NBPF11: variants seen among roughly 807,000 people sequenced by gnomAD.
The protein encoded by NBPF11 is NBPF member 11.
In NBPF11, 72 loss-of-function variants were observed where a neutral mutation model predicts 93.9. The ratio of observed to expected loss-of-function variants is 0.77; its 90% CI spans 0.63 to 0.93. The LOEUF (loss-of-function observed/expected upper bound fraction) is 0.93. NBPF11 is among the 40% of genes least tolerant of loss of function. NBPF11 has a pLI of 0.00. For missense variants in NBPF11, 705 were observed against 802.2 expected (o/e 0.88, Z 1.46); for synonymous variants, 224 against 304.9 (o/e 0.73, Z 2.76).
chr1:148,120,639 C>A lies in NBPF11; in HGVS notation c.850G>T (p.Ala284Ser), dbSNP rs1396362135. 5 of 1,545,050 alleles carry A rather than the reference C, an allele frequency of 3.2e-6. No homozygotes were observed. The highest frequency in any genetic ancestry group is 2.2e-4 in the Middle Eastern group (1 of 4,546). ...TTGATTTCTAGAATGTTCATCTCTG[C>A]CTTCTCGCTGGACAAAGGGCCGGCT... ...VSAGPLSSEK[A>S]EMNILEINEK... is the part of the protein sequence containing the mutation. The change falls in exon 10 of 24, where the codon GCA (alanine) becomes TCA (serine). Residue 284 changes from alanine (A) to serine (S), a missense_variant. By Grantham distance (99) the Ala-to-Ser change is moderately conservative. Around this residue, in one of 12 missense-constraint regions of NBPF11, gnomAD observed 262 missense variants for 223.1 expected, o/e 1.17. Coordinates refer to ENST00000682118, the MANE Select transcript of NBPF11 (RefSeq NM_001385469.3).
At chr1:148,137,138 C>T (rs1390338876) in intron 3 of NBPF11, among the ~76,000 whole-genome samples, 6 of 151,916 alleles carry the variant, frequency 3.9e-5, no homozygotes, top group Non-Finnish European at 1.5e-5. Context: ...AGTTATATGA[C>T]TTTAAGATGG....
At chr1:148,146,105 C>T (rs1260266134) in intron 1 of NBPF11, among the ~76,000 whole-genome samples, 1 of 151,738 alleles carries the variant, frequency 6.6e-6, no homozygotes, top group South Asian at 2.1e-4. Flanking sequence ...CACGGGCGGG[C>T]GGCCGGGAGC....
At chr1:148,107,512 C>A (rs1278759592) in intron 19 of NBPF11, among the ~76,000 whole-genome samples, 199 bp downstream of exon 19, 1 of 152,238 alleles carries the variant, frequency 6.6e-6, no homozygotes, top group Non-Finnish European at 1.5e-5. Flanking sequence ...TATGGTCAAC[C>A]TATAGTAAGT....
rs1349412083 is a variant in NBPF11 at position 148,105,528 on chromosome 1, C to A, written c.2304G>T (p.Arg768Ser). The part of the protein sequence containing the change: ...EEEDQGPPCP[R>S]LSRELLEVVE... ...CTACCTCCAGCAGCTCCCTGCTGAG[C>A]CTGGAAAAGGAGGAAAAAGTAAAGA... Residue 768 changes from arginine to serine, a missense_variant and splice_region_variant, in exon 22 of 24, where the codon AGG becomes AGT. Physicochemically the swap from Arg to Ser is moderately radical, Grantham distance 110. Coordinates refer to ENST00000682118, the MANE Select transcript of NBPF11 (RefSeq NM_001385469.3). The A allele has an allele frequency of 7.6e-5, 61 of 805,696 alleles. 9 individuals are homozygous for A. In the Admixed American group the frequency reaches 1.0e-3, roughly 14 times the overall value. 49.9% of individuals were successfully genotyped at this position (805,696 alleles called of 1,614,324 possible).
chr1:148,124,116 T>C (rs1668528065), intron 6 of NBPF11, 49 bp from the exon 7 acceptor site: 1 of 1,606,446 alleles, frequency 6.2e-7, no homozygotes, highest in East Asian at 2.2e-5. Context: ...CATTGAGTGA[T>C]CCGTTCAAAT....
intron 1 of NBPF11, chr1:148,146,272 G>A (rs1209647323): frequency 4.7e-6 from 6 of 1,275,758 alleles, no homozygotes; most frequent in Non-Finnish European, 5.0e-6. Context: ...TGGGGCGGTA[G>A]CTGGGGGGGC....
intron 2 of NBPF11, among the ~76,000 whole-genome samples, chr1:148,142,091 CAGAAGGGAAGGA>C (rs1571492708): frequency 8.1e-5 from 9 of 110,448 alleles, no homozygotes; most frequent in Middle Eastern, 4.7e-3. Flanking sequence ...GGAGGGAAGG[CAGAAGGGAAGGA>C]GGGAGGGAAA....
At chr1:148,108,184 G>C (rs1336497187) in intron 18 of NBPF11, among the ~76,000 whole-genome samples, 1 of 142,884 alleles carries the variant, frequency 7.0e-6, no homozygotes, top group African/African-American at 2.6e-5. Context: ...AAGATCTACA[G>C]AATTGAGACA....
intron 1 of NBPF11, chr1:148,149,215 G>A: frequency 1.3e-6 from 2 of 1,548,236 alleles, no homozygotes; most frequent in South Asian, 1.1e-5. Flanking sequence ...TCGGCACGGT[G>A]CCCACCATGG....
chr1:148,149,545 G>T lies in NBPF11; in HGVS notation c.-549+2205C>A, dbSNP rs1571503437. The T allele has an allele frequency of 3.8e-6, 6 of 1,594,046 alleles. No individual in the cohort carries two copies. In the East Asian group the frequency reaches 1.1e-4, roughly 30 times the overall value. ...GCCTGCGTCGCTTCATCTCCCAGGA[G>T]CTGCCCAGCCAGCGCGCCTAGCGGC... On this transcript the variant is annotated intron_variant, in intron 1 of 23. Transcript: ENST00000682118.
In NBPF11 at chr1:148,120,489, T is replaced by C. The variant is rs1163445268; in HGVS notation, c.988+12A>G. 2.2e-6 allele frequency: 2 copies of C among 905,024 alleles called. No individual in the cohort carries two copies. Among genetic ancestry groups the C allele is most frequent in the African/African-American group, 3.2e-5 (2 of 61,700 alleles). 56.1% of individuals were successfully genotyped at this position (905,024 alleles called of 1,614,324 possible). A position where few individuals can be genotyped will look rare whatever the true frequency, so the allele number is the denominator to read the frequency against. Reference sequence around the variant, plus strand: ...TTCATCACTTTCGTGATGGTGAGCATATAGATCTTACTGTATTTGTTCTGC... The same window carrying C: ...TTCATCACTTTCGTGATGGTGAGCACATAGATCTTACTGTATTTGTTCTGC... On this transcript the variant is annotated intron_variant, in intron 10 of 23. Coordinates refer to ENST00000682118, the MANE Select transcript of NBPF11 (RefSeq NM_001385469.3).
chr1:148,148,072 G>A (rs1673489063), intron 1 of NBPF11, among the ~76,000 whole-genome samples: 1 of 152,180 alleles, frequency 6.6e-6, no homozygotes, highest in African/African-American at 2.4e-5. Context: ...TGGCAGGGCT[G>A]GGCTGGCTCA....
intron 15 of NBPF11, among the ~76,000 whole-genome samples, chr1:148,111,367 C>T (rs1359127310): frequency 3.9e-5 from 6 of 151,980 alleles, no homozygotes; most frequent in African/African-American, 1.2e-4. Context: ...CGCAGCTCCT[C>T]GCCAGCAATG....
At chr1:148,136,386 T>C (rs1671288044) in intron 3 of NBPF11, among the ~76,000 whole-genome samples, 1 of 151,846 alleles carries the variant, frequency 6.6e-6, no homozygotes, top group East Asian at 1.9e-4. Context: ...CATTCAAATA[T>C]CTATCAATAC....
At chr1:148,115,564 A>C (rs1238172409) in intron 14 of NBPF11, among the ~76,000 whole-genome samples, 1 of 151,834 alleles carries the variant, frequency 6.6e-6, no homozygotes, top group African/African-American at 2.4e-5. Context: ...TCCTGCACTG[A>C]GGTGACTATG....
chr1:148,136,728 T>G (rs1234442191), intron 3 of NBPF11, among the ~76,000 whole-genome samples: 6 of 151,978 alleles, frequency 3.9e-5, no homozygotes, highest in East Asian at 3.9e-4. Context: ...TCACTGTAGT[T>G]GTTATTCTAT....
intron 23 of NBPF11, among the ~76,000 whole-genome samples, chr1:148,104,170 T>C (rs1409058523): frequency 6.9e-6 from 1 of 144,084 alleles, no homozygotes; most frequent in African/African-American, 2.7e-5. Flanking sequence ...GCTAGTGAAT[T>C]GGCCAGGTGA....
rs1648495491 is a variant in NBPF11 at position 148,151,993 on chromosome 1, G to A, written c.-792C>T. ...CCCGCTGGCTCCTCAGGGTCCGGAT[G>A]GGCCGTGTCAGGAGAGCCCAAGGCA... On this transcript the variant is annotated 5_prime_UTR_variant, in exon 1 of 24. Coordinates refer to ENST00000682118, the MANE Select transcript of NBPF11 (RefSeq NM_001385469.3). The A allele has an allele frequency of 6.6e-6, 1 of 152,212 alleles. No individual in the cohort carries two copies. The highest frequency in any genetic ancestry group is 2.4e-5 in the African/African-American group (1 of 41,310). 9.4% of individuals were successfully genotyped at this position (152,212 alleles called of 1,614,324 possible).
Position 148,135,749 on chromosome 1 carries a change from C to A in NBPF11, c.-113G>T. On this transcript the variant is annotated 5_prime_UTR_variant, in exon 4 of 24. Transcript: ENST00000682118. ...AACTTTGGATTCCCAACCAGTAAATCTTAGCAAGATCTGAGTTTCTCCAGG... is the reference window on the plus strand; with the variant it reads ...AACTTTGGATTCCCAACCAGTAAATATTAGCAAGATCTGAGTTTCTCCAGG... 1.4e-6 allele frequency: 1 copy of A among 715,436 alleles called. No individual in the cohort carries two copies. The highest frequency in any genetic ancestry group is 1.5e-5 in the South Asian group (1 of 64,880). 44.3% of individuals were successfully genotyped at this position (715,436 alleles called of 1,614,324 possible). A position where few individuals can be genotyped will look rare whatever the true frequency, so the allele number is the denominator to read the frequency against.
Sources: gnomAD v4.1 joint callset for allele counts (sites outside exome capture counted in the v4.1 genomes callset) on GRCh38, gnomAD v4.1.1 for gene constraint, gnomAD v4.1.1 regional missense constraint, MANE v1.5 for transcripts, NCBI Gene and HGNC (gene_info 2026-07-23, HGNC 2026-07-21) for gene names.